The following TFAM variants were observed in gnomAD, a reference collection of about 807,000 sequenced individuals.
The protein encoded by TFAM is transcription factor A, mitochondrial, also known as mitochondrial transcription factor 1.
Under a neutral mutation model 30.6 loss-of-function variants are expected in TFAM, and 13 were observed. The observed-to-expected ratio is 0.42, with a 90% CI of 0.28 to 0.67. The LOEUF (loss-of-function observed/expected upper bound fraction) is 0.67, where lower values mean the gene tolerates loss of function less well. Among genes scored for constraint, TFAM ranks in the 30% least tolerant of loss-of-function variants. The pLI is 0.21. For synonymous variants in TFAM, 106 were observed against 94.8 expected (o/e 1.12, Z -0.69); for missense variants, 231 against 293.7 (o/e 0.79, Z 1.56).
Position 58,385,467 on chromosome 10 carries a change from C to G in TFAM, c.-81C>G. On this transcript the variant is annotated 5_prime_UTR_variant, in exon 1 of 7. Coordinates refer to ENST00000487519, the MANE Select transcript of TFAM (RefSeq NM_003201.3). ...CACGCCGGAGGGTCGCACGCGGGTT[C>G]CAGTTGTGATTGCTGGAGTTGTGTA... 1 of 1,088,924 alleles carries G rather than the reference C, an allele frequency of 9.2e-7. No homozygotes were observed. Among genetic ancestry groups the G allele is most frequent in the Non-Finnish European group, 1.4e-6 (1 of 728,144 alleles). 67.5% of individuals were successfully genotyped at this position (1,088,924 alleles called of 1,614,324 possible).
intron 6 of TFAM, 101 bp downstream of exon 6, chr10:58,394,515 T>G (rs1287421794): frequency 1.0e-6 from 1 of 986,618 alleles, no homozygotes; most frequent in African/African-American, 1.6e-5. Flanking sequence ...CTTGTATTAC[T>G]AATAATACAA....
At chr10:58,389,235 C>G (rs149688748) in intron 4 of TFAM, among the ~76,000 whole-genome samples, 4 of 152,158 alleles carry the variant, frequency 2.6e-5, no homozygotes, top group Non-Finnish European at 5.9e-5. Context: ...TGCATTAATT[C>G]ATTAACACAT....
intron 2 of TFAM, among the ~76,000 whole-genome samples, chr10:58,387,234 G>T (rs1364970185): frequency 6.6e-6 from 1 of 152,110 alleles, no homozygotes; most frequent in African/African-American, 2.4e-5. Context: ...CTGCACTCCA[G>T]CCTGGGTGAC....
Position 58,398,183 on chromosome 10 carries a change from C to T in TFAM, c.*3109C>T, listed in dbSNP as rs1168708387. 6.6e-6 allele frequency: 1 copy of T among 152,310 alleles called. No homozygotes were observed. The highest frequency in any genetic ancestry group is 6.5e-5 in the Admixed American group (1 of 15,280). 9.4% of individuals were successfully genotyped at this position (152,310 alleles called of 1,614,324 possible). A position where few individuals can be genotyped will look rare whatever the true frequency, so the allele number is the denominator to read the frequency against. Reference sequence around the variant, plus strand: ...TTAAGAGATCCTCCCATCTCAGCCTCCTGAGTAGCTGGGATTATAGGTGCA... The same window carrying T: ...TTAAGAGATCCTCCCATCTCAGCCTTCTGAGTAGCTGGGATTATAGGTGCA... On this transcript the variant is annotated 3_prime_UTR_variant, in exon 7 of 7. Coordinates refer to ENST00000487519, the MANE Select transcript of TFAM (RefSeq NM_003201.3).
At chr10:58,385,670 C>T (rs1169720542) in intron 1 of TFAM, 22 bp downstream of exon 1, 3 of 1,537,658 alleles carry the variant, frequency 2.0e-6, no homozygotes, top group Non-Finnish European at 1.8e-6. Flanking sequence ...TGCCTGTGCC[C>T]TAGGGGCAGC....
intron 4 of TFAM, among the ~76,000 whole-genome samples, 179 bp downstream of exon 4, chr10:58,388,998 C>T (rs1003979240): frequency 2.6e-5 from 4 of 152,192 alleles, no homozygotes; most frequent in Non-Finnish European, 5.9e-5. Flanking sequence ...ACTAGGACCA[C>T]TTGCCATTGA....
Position 58,388,715 on chromosome 10 carries a change from G to T in TFAM, c.337G>T (p.Glu113Ter). The change falls in exon 4 of 7, where the codon GAG becomes TAG. Residue 113 changes from glutamate (E) to a stop codon, truncating the protein, a stop_gained. Coordinates refer to ENST00000487519, the MANE Select transcript of TFAM (RefSeq NM_003201.3). LOFTEE classifies it high-confidence loss of function. ...GGCGGAGTGGCAGGTATATAAAGAA[G>T]AGATAAGCAGATTTAAAGAACAGCT... ...YRAEWQVYKE[E>*]ISRFKEQLTP... 1 of 1,613,586 alleles carries T rather than the reference G, an allele frequency of 6.2e-7. No individual in the cohort carries two copies. Among genetic ancestry groups the T allele is most frequent in the Non-Finnish European group, 8.5e-7 (1 of 1,179,874 alleles).
At chr10:58,389,618 A>T (rs1401945574) in intron 4 of TFAM, among the ~76,000 whole-genome samples, 1 of 152,220 alleles carries the variant, frequency 6.6e-6, no homozygotes, top group East Asian at 1.9e-4. Flanking sequence ...CGAGACCATG[A>T]TGCCGCTACT....
chr10:58,386,392 G>A lies in TFAM; in HGVS notation c.220+54G>A, dbSNP rs149585719. ...TCTCATGTAATAAAAATGCCATTAA[G>A]CAGTTAAATACCAATGTTGAATTGC... On this transcript the variant is annotated intron_variant, in intron 2 of 6. Transcript: ENST00000487519. 1.6e-5 allele frequency: 20 copies of A among 1,246,032 alleles called. No individual in the cohort carries two copies. In the African/African-American group the frequency reaches 2.7e-4, roughly 17 times the overall value. The allele number at this position is 1,246,032 out of a possible 1,614,324, so 77.2% of individuals were successfully genotyped here. A position where few individuals can be genotyped will look rare whatever the true frequency, so the allele number is the denominator to read the frequency against.
chr10:58,388,617 T>G, intron 3 of TFAM, 53 bp from the exon 4 acceptor site: 1 of 1,597,620 alleles, frequency 6.3e-7, no homozygotes, highest in South Asian at 1.1e-5. Flanking sequence ...GCATGTGCTA[T>G]GTTGAATTTG....
In TFAM at chr10:58,390,790, A is replaced by C; in HGVS notation, c.467A>C (p.Lys156Thr). The C allele has an allele frequency of 1.2e-6, 2 of 1,613,064 alleles. No individual in the cohort carries two copies. The highest frequency in any genetic ancestry group is 1.7e-6 in the Non-Finnish European group (2 of 1,179,742). Reference protein sequence around the residue: ...KKELTLLGKPKRPRSAYNVYV... With the variant: ...KKELTLLGKPTRPRSAYNVYV... Reference sequence around the variant, plus strand: ...GAGTTAACACTGCTTGGAAAACCAAAAAGACCTCGTTCAGCTTATAACGTT... The same window carrying C: ...GAGTTAACACTGCTTGGAAAACCAACAAGACCTCGTTCAGCTTATAACGTT... The change falls in exon 5 of 7, where the codon AAA (lysine) becomes ACA (threonine). Residue 156 changes from lysine to threonine, a missense_variant. By Grantham distance (78) the Lys-to-Thr change is moderately conservative. Transcript: ENST00000487519.
intron 5 of TFAM, 108 bp downstream of exon 5, chr10:58,390,968 A>G (rs1840581209): frequency 7.9e-6 from 8 of 1,014,064 alleles, no homozygotes; most frequent in Non-Finnish European, 1.2e-5. Flanking sequence ...CCAGACAGTA[A>G]ACTCTTTTGC....
intron 5 of TFAM, among the ~76,000 whole-genome samples, chr10:58,392,625 T>TA (rs1211993203): frequency 3.9e-5 from 6 of 152,150 alleles, no homozygotes; most frequent in Non-Finnish European, 7.3e-5. Flanking sequence ...AGAGTGACAC[T>TA]ATTTTACTCT....
In TFAM at chr10:58,385,553, G is replaced by C. The variant is rs1337389336; in HGVS notation, c.6G>C (p.Ala2=). 9.6e-6 allele frequency: 15 copies of C among 1,563,836 alleles called. No homozygotes were observed. The highest frequency in any genetic ancestry group is 1.2e-5 in the Non-Finnish European group (14 of 1,153,558). ...CTGCCTCATCCACCGGAGCGATGGC[G>C]TTTCTCCGAAGCATGTGGGGCGTGC... M[A]FLRSMWGVLS... is the part of the protein sequence containing the mutation. Residue 2 remains alanine, a synonymous_variant, in exon 1 of 7, where the codon GCG becomes GCC. Coordinates refer to ENST00000487519, the MANE Select transcript of TFAM (RefSeq NM_003201.3).
rs1040523724 is a variant in TFAM, at chr10:58,397,914, TG to T, written c.*2842del. ...TACAGTAGGTGAACACCACCATGCC[TG>T]GCTAATTTTTGTATTTTTTTTTTAA... is the stretch of plus-strand genomic sequence containing the variant. On this transcript the variant is annotated 3_prime_UTR_variant, in exon 7 of 7. Coordinates refer to ENST00000487519, the MANE Select transcript of TFAM (RefSeq NM_003201.3). 1 of 151,578 alleles carries T rather than the reference TG, an allele frequency of 6.6e-6. No homozygotes were observed. The highest frequency in any genetic ancestry group is 1.5e-5 in the Non-Finnish European group (1 of 67,980). 9.4% of individuals were successfully genotyped at this position (151,578 alleles called of 1,614,324 possible). A position where few individuals can be genotyped will look rare whatever the true frequency, so the allele number is the denominator to read the frequency against.
intron 5 of TFAM, 59 bp downstream of exon 5, chr10:58,390,919 A>T: frequency 3.5e-6 from 5 of 1,443,970 alleles, no homozygotes; most frequent in Non-Finnish European, 4.8e-6. Flanking sequence ...AAAAGTCTAG[A>T]GTGCCATGTG....
rs1026847450 is a variant in TFAM at position 58,392,435 on chromosome 10, T to A, written c.537+1575T>A. On this transcript the variant is annotated intron_variant, in intron 5 of 6. Transcript: ENST00000487519. ...AGAACTCCTGCTACATGTATATGCA[T>A]CTTCTGAGCTGGTCCTTATTTTCTT... Among the ~76,000 whole-genome samples, 4 of 83,540 alleles carry A rather than the reference T, an allele frequency of 4.8e-5. No individual in the cohort carries two copies. The Admixed American group carries it at 5.7e-4, about 12-fold the overall frequency. The allele number at this position is 83,540 out of a possible 152,430, so 54.8% of individuals were successfully genotyped here. A position where few individuals can be genotyped will look rare whatever the true frequency, so the allele number is the denominator to read the frequency against.
Position 58,385,497 on chromosome 10 carries a change from C to T in TFAM, c.-51C>T. 2.8e-6 allele frequency: 4 copies of T among 1,417,270 alleles called. No individual in the cohort carries two copies. The highest frequency in any genetic ancestry group is 2.9e-6 in the Non-Finnish European group (3 of 1,024,294). 87.8% of individuals were successfully genotyped at this position (1,417,270 alleles called of 1,614,324 possible). On this transcript the variant is annotated 5_prime_UTR_variant, in exon 1 of 7. Coordinates refer to ENST00000487519, the MANE Select transcript of TFAM (RefSeq NM_003201.3). The stretch of plus-strand genomic sequence containing the variant: ...TGTGATTGCTGGAGTTGTGTATTGC[C>T]AGGAGGCTCTCCGAGATTGGGGTCG...
intron 4 of TFAM, among the ~76,000 whole-genome samples, chr10:58,390,159 C>T (rs1374420345): frequency 6.6e-6 from 1 of 152,182 alleles, no homozygotes; most frequent in African/African-American, 2.4e-5. Context: ...TTGTAAATTA[C>T]AGGTACTACT....
Sources: allele counts gnomAD v4.1 joint callset (sites outside exome capture counted in the v4.1 genomes callset), GRCh38; gene constraint gnomAD v4.1.1; transcripts MANE v1.5; gene names NCBI Gene and HGNC (gene_info 2026-07-23, HGNC 2026-07-21).